FBXO25: variants seen among roughly 807,000 people sequenced by gnomAD.
The protein encoded by FBXO25 is F-box only protein 25.
In FBXO25, 45 loss-of-function variants were observed where a neutral mutation model predicts 51.9. That is an observed-to-expected ratio of 0.87 (90% CI 0.68 to 1.11). FBXO25 has a LOEUF of 1.11. Ranked by LOEUF, FBXO25 falls within the 50% of genes most tolerant of loss-of-function variation. FBXO25 has a pLI of 0.00. For synonymous variants in FBXO25, 199 were observed against 151.0 expected, an observed-to-expected ratio of 1.32 and a Z score of -2.33; for missense variants, 507 against 428.5, an observed-to-expected ratio of 1.18 and a Z score of -1.62.
chr8:443,250 C>G (rs989350251), intron 5 of FBXO25, among the ~76,000 whole-genome samples: 7 of 150,884 alleles, frequency 4.6e-5, no homozygotes, highest in Non-Finnish European at 7.4e-5. Flanking sequence ...AAAGTTTGTC[C>G]TCCAGGCAAG....
intron 2 of FBXO25, among the ~76,000 whole-genome samples, chr8:420,873 G>T (rs1244616063): frequency 6.6e-6 from 1 of 152,234 alleles, no homozygotes; most frequent in African/African-American, 2.4e-5. Flanking sequence ...CAAAACCCAT[G>T]GAACTGTGCA....
intron 2 of FBXO25, among the ~76,000 whole-genome samples, chr8:414,775 A>G (rs1202557608): frequency 2.0e-5 from 3 of 152,182 alleles, no homozygotes; most frequent in Admixed American, 1.3e-4. Flanking sequence ...GTTTTATGAC[A>G]GCAACGCTGG....
intron 8 of FBXO25, among the ~76,000 whole-genome samples, chr8:459,619 G>C (rs1333331592): frequency 6.6e-6 from 1 of 152,228 alleles, no homozygotes; most frequent in Non-Finnish European, 1.5e-5. Flanking sequence ...AAGGGCAACA[G>C]GGAAGACATC....
In FBXO25 at chr8:475,064, C is replaced by T. The variant is rs776421780; in HGVS notation, c.*6260C>T. ...CAAATCCAATGTTGTTAAAAGTTTC[C>T]CTTATGTTTCTCCTAAATGTTTTAG... On this transcript the variant is annotated 3_prime_UTR_variant, in exon 10 of 10. Transcript: ENST00000350302. 28 of 384,600 alleles carry T rather than the reference C, an allele frequency of 7.3e-5. No homozygotes were observed. The highest frequency in any genetic ancestry group is 1.8e-4 in the Admixed American group (5 of 27,730). 23.8% of individuals were successfully genotyped at this position (384,600 alleles called of 1,614,324 possible). A position where few individuals can be genotyped will look rare whatever the true frequency, so the allele number is the denominator to read the frequency against.
chr8:434,703 C>A (rs936565071), intron 4 of FBXO25, among the ~76,000 whole-genome samples: 14 of 152,110 alleles, frequency 9.2e-5, no homozygotes, highest in African/African-American at 3.4e-4. Flanking sequence ...ACAACTTTGA[C>A]ATGAAAATCT....
rs1025971949 is a variant in FBXO25, at chr8:471,742, T to C, written c.*2938T>C. ...CACCTAATTTATGAATACACACAAA[T>C]TGGAAAGCCATGCAGTAGCCTCTCA... On this transcript the variant is annotated 3_prime_UTR_variant, in exon 10 of 10. Coordinates refer to ENST00000350302, the MANE Select transcript of FBXO25 (RefSeq NM_183420.2). 1 of 152,168 alleles carries C rather than the reference T, an allele frequency of 6.6e-6. No homozygotes were observed. The highest frequency in any genetic ancestry group is 1.5e-5 in the Non-Finnish European group (1 of 68,036). The allele number at this position is 152,168 out of a possible 1,614,324, so 9.4% of individuals were successfully genotyped here.
At chr8:462,445 CTGGAT>C (rs1316995329) in intron 8 of FBXO25, among the ~76,000 whole-genome samples, 2 of 152,066 alleles carry the variant, frequency 1.3e-5, no homozygotes, top group East Asian at 3.9e-4. Flanking sequence ...GGACATTATT[CTGGAT>C]TGGAGTATTT....
At chr8:462,335 C>G (rs1160065561) in intron 8 of FBXO25, among the ~76,000 whole-genome samples, 1 of 152,092 alleles carries the variant, frequency 6.6e-6, no homozygotes, top group African/African-American at 2.4e-5. Flanking sequence ...GGTTATTTGT[C>G]TTTTTATTAT....
chr8:411,952 A>G (rs1796505195), intron 1 of FBXO25, among the ~76,000 whole-genome samples: 1 of 152,158 alleles, frequency 6.6e-6, no homozygotes, highest in African/African-American at 2.4e-5. Context: ...ATTTAACTGA[A>G]CTAAGATGGG....
Position 471,959 on chromosome 8 carries a change from C to T in FBXO25, c.*3155C>T, listed in dbSNP as rs907469215. Reference sequence around the variant, plus strand: ...AACCAAACTGTCATATAAGATTTATCAGCTCTTTTAACACCTTTGTAGATT... The same window carrying T: ...AACCAAACTGTCATATAAGATTTATTAGCTCTTTTAACACCTTTGTAGATT... On this transcript the variant is annotated 3_prime_UTR_variant, in exon 10 of 10. Transcript: ENST00000350302. 6.6e-6 allele frequency: 1 copy of T among 152,222 alleles called. No homozygotes were observed. Among genetic ancestry groups the T allele is most frequent in the African/African-American group, 2.4e-5 (1 of 41,460 alleles). 9.4% of individuals were successfully genotyped at this position (152,222 alleles called of 1,614,324 possible).
intron 5 of FBXO25, among the ~76,000 whole-genome samples, chr8:449,630 A>G (rs1368782138): frequency 6.6e-6 from 1 of 152,218 alleles, no homozygotes; most frequent in Non-Finnish European, 1.5e-5. Context: ...GTGCCCAACC[A>G]TTCATTCTAG....
chr8:423,582 TAAGTC>T (rs912442070), intron 2 of FBXO25, among the ~76,000 whole-genome samples: 1 of 152,182 alleles, frequency 6.6e-6, no homozygotes, highest in Non-Finnish European at 1.5e-5. Flanking sequence ...TGCTTAGAAT[TAAGTC>T]AAGCTCCATC....
At chr8:468,694 C>G (rs377529829) in intron 9 of FBXO25, 21 bp from the exon 10 acceptor site, 2 of 1,608,772 alleles carry the variant, frequency 1.2e-6, no homozygotes, top group African/African-American at 2.7e-5. Flanking sequence ...CCCCTCCTAA[C>G]CATCTCCCAC....
chr8:466,023 C>G (rs1235114479), intron 9 of FBXO25, among the ~76,000 whole-genome samples: 1 of 152,166 alleles, frequency 6.6e-6, no homozygotes, highest in East Asian at 1.9e-4. Flanking sequence ...AGGTTCATGT[C>G]TTGCCCTTGG....
At chr8:466,865 ACT>A (rs1327197726) in intron 9 of FBXO25, among the ~76,000 whole-genome samples, 1 of 152,188 alleles carries the variant, frequency 6.6e-6, no homozygotes, top group Non-Finnish European at 1.5e-5. Context: ...GCGAGGGTCC[ACT>A]GAGAGGGGTG....
At chr8:431,932 C>T (rs1027078715) in intron 3 of FBXO25, among the ~76,000 whole-genome samples, 12 of 152,138 alleles carry the variant, frequency 7.9e-5, no homozygotes, top group Admixed American at 1.3e-4. Context: ...AGTAGGCTCC[C>T]TTACCTCAGG....
chr8:469,637 A>G lies in FBXO25; in HGVS notation c.*833A>G, dbSNP rs910035552. ...AGTGATTTTGATACTTAAATCCTTA[A>G]AAGATTGCTTCGTTTTTAAAATAAC... On this transcript the variant is annotated 3_prime_UTR_variant, in exon 10 of 10. Coordinates refer to ENST00000350302, the MANE Select transcript of FBXO25 (RefSeq NM_183420.2). 5 of 152,244 alleles carry G rather than the reference A, an allele frequency of 3.3e-5. No homozygotes were observed. Among genetic ancestry groups the G allele is most frequent in the African/African-American group, 1.2e-4 (5 of 41,462 alleles). 9.4% of individuals were successfully genotyped at this position (152,244 alleles called of 1,614,324 possible). A position where few individuals can be genotyped will look rare whatever the true frequency, so the allele number is the denominator to read the frequency against.
chr8:449,813 G>T (rs1395896243), intron 5 of FBXO25, among the ~76,000 whole-genome samples, 177 bp from the exon 6 acceptor site: 1 of 152,192 alleles, frequency 6.6e-6, no homozygotes, highest in Non-Finnish European at 1.5e-5. Context: ...TTGTATGAAG[G>T]TCTCTTCAGG....
intron 1 of FBXO25, among the ~76,000 whole-genome samples, chr8:411,041 T>C (rs1584993629): frequency 1.3e-5 from 2 of 152,320 alleles, no homozygotes; most frequent in East Asian, 3.9e-4. Flanking sequence ...ATACTAAATA[T>C]AGTTGGGAGG....
Sources: allele counts gnomAD v4.1 joint callset (sites outside exome capture counted in the v4.1 genomes callset), GRCh38; gene constraint gnomAD v4.1.1; transcripts MANE v1.5; gene names NCBI Gene and HGNC (gene_info 2026-07-23, HGNC 2026-07-21).